The following UBA52 variants were observed in gnomAD, a reference collection of about 807,000 sequenced individuals.
UBA52 encodes ubiquitin-ribosomal protein eL40 fusion protein.
UBA52 carries 1 observed loss-of-function variant against 15.3 expected under a neutral mutation model. That is an observed-to-expected ratio of 0.07 (90% confidence interval 0.02 to 0.31). The LOEUF is 0.31. Ranked by LOEUF, UBA52 falls within the 10% of genes least tolerant of loss-of-function variation. The pLI is 1.00. For missense variants in UBA52, 87 were observed against 168.0 expected (o/e 0.52, Z 2.66); for synonymous variants, 50 against 58.3 (o/e 0.86, Z 0.65).
chr19:18,570,349 C>T (rs529696641), upstream of UBA52, among the ~76,000 whole-genome samples: 5 of 152,000 alleles, frequency 3.3e-5, no homozygotes, highest in African/African-American at 9.7e-5. Context: ...TGCGCACCAC[C>T]ACACCTGGAT....
chr19:18,572,456 A>C (rs1224383471), intron 1 of UBA52: 2 of 151,956 alleles, frequency 1.3e-5, no homozygotes, highest in East Asian at 1.9e-4. Flanking sequence ...CAGCCTCCCG[A>C]GTAGCTGGGA....
chr19:18,574,997 G>C, intron 4 of UBA52, 25 bp downstream of exon 4: 2 of 1,614,206 alleles, frequency 1.2e-6, no homozygotes, highest in Non-Finnish European at 1.7e-6. Flanking sequence ...ATGCTTGGGG[G>C]GCTGTGGGGG....
upstream of UBA52, chr19:18,568,422 C>G: frequency 6.2e-7 from 1 of 1,614,094 alleles, no homozygotes; most frequent in Non-Finnish European, 8.5e-7. Flanking sequence ...GGCATCCTTC[C>G]TGGAGGAAGA....
At chr19:18,569,897 G>C (rs969450466), upstream of UBA52, among the ~76,000 whole-genome samples, 2 of 152,078 alleles carry the variant, frequency 1.3e-5, no homozygotes, top group African/African-American at 4.8e-5. Context: ...AGCTGGGTGT[G>C]GTGGTGTACA....
chr19:18,565,313 T>A, the UBA52 span: 1 of 609,224 alleles, frequency 1.6e-6, no homozygotes, highest in Admixed American at 3.9e-5. Flanking sequence ...CACTGCAAGC[T>A]CCGCTTCCCG....
At chr19:18,569,086 T>A (rs1321778002), upstream of UBA52, 1 of 171,192 alleles carries the variant, frequency 5.8e-6, no homozygotes, top group African/African-American at 2.4e-5. Flanking sequence ...TTCCTGCCCC[T>A]TGCTCCGTAA....
rs1975735288 is a variant in UBA52 at position 18,575,287 on chromosome 19, G to A, written c.*137G>A. On this transcript the variant is annotated 3_prime_UTR_variant, in exon 5 of 5. Transcript: ENST00000442744. ...CTGTCCAGGGAGGTGGCTGAAGAGT[G>A]GGCATCTCCCTTAGGGACTCTACTC... The A allele has an allele frequency of 9.8e-7, 1 of 1,017,994 alleles. No individual in the cohort carries two copies. The highest frequency in any genetic ancestry group is 1.5e-6 in the Non-Finnish European group (1 of 687,442). 63.1% of individuals were successfully genotyped at this position (1,017,994 alleles called of 1,614,324 possible). A position where few individuals can be genotyped will look rare whatever the true frequency, so the allele number is the denominator to read the frequency against.
Position 18,575,291 on chromosome 19 carries a change from A to ATC in UBA52, c.*144_*145dup. ...CCAGGGAGGTGGCTGAAGAGTGGGC[A>ATC]TCTCCCTTAGGGACTCTACTCAGCA... On this transcript the variant is annotated 3_prime_UTR_variant, in exon 5 of 5. Coordinates refer to ENST00000442744, the MANE Select transcript of UBA52 (RefSeq NM_001033930.3). The ATC allele has an allele frequency of 1.0e-6, 1 of 982,472 alleles. No individual in the cohort carries two copies. The highest frequency in any genetic ancestry group is 1.5e-6 in the Non-Finnish European group (1 of 656,978). 60.9% of individuals were successfully genotyped at this position (982,472 alleles called of 1,614,324 possible).
In UBA52 at chr19:18,574,883, C is replaced by T. The variant is rs1975707119; in HGVS notation, c.204C>T (p.His68=). The stretch of plus-strand genomic sequence containing the variant: ...TGTCTCCTGCAGAGTCCACCCTGCA[C>T]CTGGTGTTGCGCCTGCGAGGTGGCA... The part of the protein sequence containing the change: ...DYNIQKESTL[H]LVLRLRGGII... Residue 68 remains histidine (H), a synonymous_variant, in exon 4 of 5, where the codon CAC becomes CAT. Coordinates refer to ENST00000442744, the MANE Select transcript of UBA52 (RefSeq NM_001033930.3). The T allele has an allele frequency of 6.2e-7, 1 of 1,613,788 alleles. No individual in the cohort carries two copies. The highest frequency in any genetic ancestry group is 8.5e-7 in the Non-Finnish European group (1 of 1,180,020).
At chr19:18,574,213 G>GAC (rs1167947002) in intron 3 of UBA52, among the ~76,000 whole-genome samples, 1 of 75,912 alleles carries the variant, frequency 1.3e-5, no homozygotes, top group Non-Finnish European at 2.6e-5. Flanking sequence ...GAACTCGGGA[G>GAC]ACAAAAAAAA....
chr19:18,567,058 G>A, upstream of UBA52: 1 of 1,428,342 alleles, frequency 7.0e-7, no homozygotes, highest in Non-Finnish European at 9.8e-7. Context: ...CTGGCAGCAG[G>A]GGCTTGTGGC....
In UBA52 at chr19:18,574,798, G is replaced by A. The variant is rs372674375; in HGVS notation, c.191-72G>A. On this transcript the variant is annotated intron_variant, in intron 3 of 4. Coordinates refer to ENST00000442744, the MANE Select transcript of UBA52 (RefSeq NM_001033930.3). ...GAGAAAGCAGCAGACTATAGGCCCTGGAGGGTCCTGCCCCTGTGACTGAGG... is the reference window on the plus strand; with the variant it reads ...GAGAAAGCAGCAGACTATAGGCCCTAGAGGGTCCTGCCCCTGTGACTGAGG... The A allele has an allele frequency of 1.5e-5, 23 of 1,579,916 alleles. No individual in the cohort carries two copies. In the South Asian group the frequency reaches 2.1e-4, roughly 15 times the overall value.
upstream of UBA52, chr19:18,568,367 G>A: frequency 3.9e-6 from 6 of 1,528,376 alleles, no homozygotes; most frequent in Non-Finnish European, 5.4e-6. Flanking sequence ...GCTTGGCAAG[G>A]TGACAAAACC....
At chr19:18,574,157 G>A (rs1333382236) in intron 3 of UBA52, among the ~76,000 whole-genome samples, 1 of 151,062 alleles carries the variant, frequency 6.6e-6, no homozygotes, top group Admixed American at 6.6e-5. Context: ...GGTGGTGCGT[G>A]CCTGTAGTCC....
the UBA52 span, among the ~76,000 whole-genome samples, chr19:18,566,017 G>A: frequency 6.6e-6 from 1 of 152,108 alleles, no homozygotes; most frequent in African/African-American, 2.4e-5. Context: ...TTTTAGTAGA[G>A]ACAGGGTTTC....
At chr19:18,568,358 CT>C, upstream of UBA52, 1 of 1,452,838 alleles carries the variant, frequency 6.9e-7, no homozygotes. Context: ...CATCACAGAG[CT>C]TGGCAAGGTG....
Position 18,576,301 on chromosome 19 carries a change from C to T in UBA52, c.*1151C>T, listed in dbSNP as rs1178097314. 6.6e-6 allele frequency: 1 copy of T among 152,306 alleles called. No homozygotes were observed. Among genetic ancestry groups the T allele is most frequent in the Non-Finnish European group, 1.5e-5 (1 of 68,138 alleles). 9.4% of individuals were successfully genotyped at this position (152,306 alleles called of 1,614,324 possible). On this transcript the variant is annotated 3_prime_UTR_variant, in exon 5 of 5. Coordinates refer to ENST00000442744, the MANE Select transcript of UBA52 (RefSeq NM_001033930.3). ...CTACAGGTGTGCACCCACCACCACA[C>T]TCAGATAATTGCTTTGGTGTTTTTA...
chr19:18,566,067 A>C, the UBA52 span, among the ~76,000 whole-genome samples: 1 of 151,946 alleles, frequency 6.6e-6, no homozygotes, highest in Non-Finnish European at 1.5e-5. Flanking sequence ...CTGGCCTCAG[A>C]TGATCCATCC....
chr19:18,569,533 CT>C (rs1389398122), upstream of UBA52: 1 of 152,078 alleles, frequency 6.6e-6, no homozygotes, highest in East Asian at 1.9e-4. Context: ...GGAACCCCCC[CT>C]GGTGGGAGCT....
Sources: gnomAD v4.1 joint callset for allele counts (sites outside exome capture counted in the v4.1 genomes callset) on GRCh38, gnomAD v4.1.1 for gene constraint, MANE v1.5 for transcripts, NCBI Gene and HGNC (gene_info 2026-07-23, HGNC 2026-07-21) for gene names.